The following CADM2 variants were observed in gnomAD, a reference collection of about 807,000 sequenced individuals.
The protein encoded by CADM2 is immunoglobulin superfamily member 4D.
In CADM2, 12 loss-of-function variants were observed where a neutral mutation model predicts 49.8. The ratio of observed to expected loss-of-function variants is 0.24; its 90% CI spans 0.15 to 0.39. CADM2 has a LOEUF of 0.39. Ranked by LOEUF, CADM2 falls within the 10% of genes least tolerant of loss-of-function variation. The pLI is 1.00. For synonymous variants in CADM2, 214 were observed against 175.4 expected (o/e 1.22, Z -1.74); for missense variants, 378 against 492.3 (o/e 0.77, Z 2.20).
rs1728100500 is a variant in CADM2, at chr3:85,986,285, G to GAAATAAAAAT, written c.970+24638_970+24639insAAATAAAAAT. ...AAAGAAAAAGCATTCCAGTACTGAGGGAAAAAAATGAATGGAATAAAATCA... is the reference window on the plus strand; with the variant it reads ...AAAGAAAAAGCATTCCAGTACTGAGGAAATAAAAATGAAAAAAATGAATGGAATAAAATCA... On this transcript the variant is annotated intron_variant, in intron 8 of 9. Transcript: ENST00000383699. 2.6e-5 allele frequency among the ~76,000 whole-genome samples: 4 copies of GAAATAAAAAT among 151,828 alleles called. No individual in the cohort carries two copies. In the South Asian group the frequency reaches 8.3e-4, roughly 32 times the overall value.
chr3:85,293,508 T>G (rs1287142327), intron 1 of CADM2, among the ~76,000 whole-genome samples: 1 of 136,326 alleles, frequency 7.3e-6, no homozygotes, highest in Non-Finnish European at 1.6e-5. Flanking sequence ...TAGACCAATA[T>G]CCTTGATGAA....
At chr3:85,274,412 A>T (rs1034647198) in intron 1 of CADM2, among the ~76,000 whole-genome samples, 2 of 151,496 alleles carry the variant, frequency 1.3e-5, no homozygotes, top group African/African-American at 4.8e-5. Flanking sequence ...AGAAGAGATG[A>T]GAAGGGATCT....
intron 3 of CADM2, among the ~76,000 whole-genome samples, chr3:85,874,588 A>G (rs1301403400): frequency 6.6e-6 from 1 of 152,128 alleles, no homozygotes; most frequent in Non-Finnish European, 1.5e-5. Context: ...TAGGTTGTTA[A>G]AAAGAATGAG....
At chr3:85,138,230 A>G (rs1365886119) in intron 1 of CADM2, among the ~76,000 whole-genome samples, 1 of 152,090 alleles carries the variant, frequency 6.6e-6, no homozygotes, top group African/African-American at 2.4e-5. Context: ...CTGCAGTGTC[A>G]TGGGATACCT....
At chr3:85,243,968 A>G (rs2042590861) in intron 1 of CADM2, among the ~76,000 whole-genome samples, 1 of 152,020 alleles carries the variant, frequency 6.6e-6, no homozygotes, top group Admixed American at 6.6e-5. Context: ...CTCAACCCCT[A>G]TTGTGTAGCC....
chr3:85,315,483 A>C (rs910970155), intron 1 of CADM2, among the ~76,000 whole-genome samples: 2 of 152,194 alleles, frequency 1.3e-5, no homozygotes, highest in South Asian at 4.1e-4. Context: ...ACTAAATAGC[A>C]AAGTATATGG....
Position 85,729,737 on chromosome 3 carries a change from A to G in CADM2, c.88+3189A>G, listed in dbSNP as rs75659290. ...TATTTTATCTTTACTCTCTGGGTCT[A>G]TGACACAGATGTCTTTTAATAAAAA... On this transcript the variant is annotated intron_variant, in intron 2 of 9. Transcript: ENST00000383699. Among the ~76,000 whole-genome samples the G allele has an allele frequency of 9.8e-5, 15 of 152,318 alleles. 1 individual carries two copies. The East Asian group carries it at 2.3e-3, about 24-fold the overall frequency.
At chr3:85,783,293 C>T (rs1411065439) in intron 2 of CADM2, among the ~76,000 whole-genome samples, 1 of 152,058 alleles carries the variant, frequency 6.6e-6, no homozygotes, top group African/African-American at 2.4e-5. Flanking sequence ...CAAAAATAAG[C>T]CATTAAAATA....
At chr3:85,668,595 A>G (rs2065645369) in intron 1 of CADM2, among the ~76,000 whole-genome samples, 1 of 152,000 alleles carries the variant, frequency 6.6e-6, no homozygotes, top group Non-Finnish European at 1.5e-5. Flanking sequence ...ATAGTTTTAA[A>G]AATGGGAGTT....
intron 1 of CADM2, among the ~76,000 whole-genome samples, chr3:85,252,736 CA>C (rs2042802676): frequency 6.6e-6 from 1 of 151,954 alleles, no homozygotes; most frequent in African/African-American, 2.4e-5. Context: ...CCATGTCTAT[CA>C]CTGGAGATAA....
At chr3:85,276,428 A>G (rs1303605207) in intron 1 of CADM2, among the ~76,000 whole-genome samples, 3 of 151,428 alleles carry the variant, frequency 2.0e-5, no homozygotes, top group African/African-American at 7.2e-5. Context: ...CATCCTTGCT[A>G]TTCACTATTT....
intron 3 of CADM2, among the ~76,000 whole-genome samples, chr3:85,813,376 C>A (rs2073006487): frequency 6.6e-6 from 1 of 152,038 alleles, no homozygotes; most frequent in South Asian, 2.1e-4. Flanking sequence ...ATATGCTTTG[C>A]CCACTTTTTG....
intron 2 of CADM2, among the ~76,000 whole-genome samples, chr3:85,797,342 G>A (rs1439929440): frequency 6.6e-6 from 1 of 151,984 alleles, no homozygotes; most frequent in African/African-American, 2.4e-5. Flanking sequence ...GTGCCATGGT[G>A]GTTTGCTGCA....
chr3:85,308,312 C>T (rs1044220072), intron 1 of CADM2, among the ~76,000 whole-genome samples: 36 of 114,570 alleles, frequency 3.1e-4, no homozygotes, highest in South Asian at 7.9e-4. Context: ...TACCTCTCTA[C>T]ACACACACAC....
intron 8 of CADM2, chr3:86,013,329 G>T: frequency 6.5e-7 from 1 of 1,545,072 alleles, no homozygotes; most frequent in Non-Finnish European, 8.9e-7. Context: ...GGAAAACAAA[G>T]AATACCTAAA....
intron 6 of CADM2, among the ~76,000 whole-genome samples, chr3:85,915,704 A>C (rs1441883626): frequency 4.6e-5 from 7 of 152,288 alleles, no homozygotes; most frequent in Middle Eastern, 3.4e-3. Context: ...GGAAACGAAG[A>C]AGATGGGTTA....
intron 2 of CADM2, among the ~76,000 whole-genome samples, chr3:85,732,276 A>G (rs954269191): frequency 6.6e-6 from 1 of 151,996 alleles, no homozygotes; most frequent in Non-Finnish European, 1.5e-5. Flanking sequence ...AAAAAGAAAA[A>G]AAGTGTAAGA....
At chr3:85,052,748 C>T (rs879575047) in intron 1 of CADM2, among the ~76,000 whole-genome samples, 1 of 152,008 alleles carries the variant, frequency 6.6e-6, no homozygotes, top group Non-Finnish European at 1.5e-5. Context: ...AACCATTCTA[C>T]TTTTAAAACA....
chr3:86,054,218 C>T (rs915853806), intron 8 of CADM2, among the ~76,000 whole-genome samples: 1 of 151,920 alleles, frequency 6.6e-6, no homozygotes, highest in Non-Finnish European at 1.5e-5. Context: ...ATGGAAAAGA[C>T]ATATATTCAT....
Sources: gnomAD v4.1 joint callset for allele counts (sites outside exome capture counted in the v4.1 genomes callset) on GRCh38, gnomAD v4.1.1 for gene constraint, MANE v1.5 for transcripts, NCBI Gene and HGNC (gene_info 2026-07-23, HGNC 2026-07-21) for gene names.